Variants in ANKRD44 observed in about 807,000 individuals in gnomAD.
The protein encoded by ANKRD44 is ankyrin repeat domain 44.
A neutral mutation model predicts 116.0 loss-of-function variants in ANKRD44; 35 were observed. The observed-to-expected ratio is 0.30, with a 90% confidence interval of 0.23 to 0.40. The LOEUF is 0.40. Among genes scored for constraint, ANKRD44 ranks in the 10% least tolerant of loss-of-function variants. The probability of loss-of-function intolerance (pLI) is 1.00; values close to 1 mark genes in which losing one functional copy is unlikely to be tolerated. For synonymous variants in ANKRD44, 435 were observed against 461.8 expected (o/e 0.94, Z 0.74); for missense variants, 1,014 against 1,242.6 (o/e 0.82, Z 2.77).
intron 1 of ANKRD44, among the ~76,000 whole-genome samples, chr2:197,307,897 C>T (rs2084120899): frequency 6.6e-6 from 1 of 152,212 alleles, no homozygotes; most frequent in Admixed American, 6.5e-5. Context: ...GTGCCAGGCA[C>T]AGTGGCTCAT....
chr2:197,021,133 T>C (rs948673999), intron 17 of ANKRD44, among the ~76,000 whole-genome samples: 16 of 152,222 alleles, frequency 1.1e-4, no homozygotes, highest in African/African-American at 3.9e-4. Context: ...GAACTCATCC[T>C]TTTTTATGGC....
At chr2:197,102,797 G>T (rs2078324289) in intron 9 of ANKRD44, among the ~76,000 whole-genome samples, 1 of 152,100 alleles carries the variant, frequency 6.6e-6, no homozygotes, top group South Asian at 2.1e-4. Context: ...TTAGAAAAAT[G>T]AGCAAAAGTG....
intron 18 of ANKRD44, 108 bp downstream of exon 18, chr2:197,013,403 A>C: frequency 1.6e-6 from 2 of 1,272,674 alleles, no homozygotes; most frequent in Admixed American, 2.1e-5. Flanking sequence ...ATGTGGAAAG[A>C]AAATTGATAT....
chr2:197,157,571 A>T (rs2079851119), intron 2 of ANKRD44, among the ~76,000 whole-genome samples: 1 of 149,568 alleles, frequency 6.7e-6, no homozygotes, highest in South Asian at 2.1e-4. Context: ...CCAGCTACTC[A>T]GGAGGCTGAG....
At chr2:197,144,707 A>G (rs1438934603) in intron 3 of ANKRD44, among the ~76,000 whole-genome samples, 1 of 152,240 alleles carries the variant, frequency 6.6e-6, no homozygotes. Flanking sequence ...AGATTAAAAT[A>G]TATGCAACAG....
At chr2:197,121,635 A>G (rs1400302994) in intron 7 of ANKRD44, 91 bp from the exon 8 acceptor site, 1 of 1,079,036 alleles carries the variant, frequency 9.3e-7, no homozygotes, top group African/African-American at 1.6e-5. Flanking sequence ...GGCTAGAGAA[A>G]GGAAATAGCC....
chr2:197,251,242 C>CT (rs1379377626), intron 1 of ANKRD44, among the ~76,000 whole-genome samples: 1 of 152,122 alleles, frequency 6.6e-6, no homozygotes, highest in African/African-American at 2.4e-5. Context: ...TTCTGAGTAG[C>CT]TTAAAAACAT....
At position 197,203,622 on chromosome 2, in the gene ANKRD44, G is replaced by C. The variant is rs1290521437; in HGVS notation, c.28-16516C>G. On this transcript the variant is annotated intron_variant, in intron 1 of 27. Transcript: ENST00000282272. The surrounding 1 kb of genome is among the most constrained non-coding windows in gnomAD (Gnocchi z 4.1). ...TGCTATGTGTATATCCCAAAGAACTGAAAATAGGTGTTGAAGCAAAAACGT... is the reference window on the plus strand; with the variant it reads ...TGCTATGTGTATATCCCAAAGAACTCAAAATAGGTGTTGAAGCAAAAACGT... 2.0e-5 allele frequency among the ~76,000 whole-genome samples: 3 copies of C among 152,176 alleles called. No individual in the cohort carries two copies. The highest frequency in any genetic ancestry group is 2.1e-4 in the South Asian group (1 of 4,828).
In ANKRD44 at chr2:197,010,773, T is replaced by C. The variant is rs544738171; in HGVS notation, c.1925-1742A>G. 4.6e-5 allele frequency among the ~76,000 whole-genome samples: 7 copies of C among 152,336 alleles called. No individual in the cohort carries two copies. The South Asian group carries it at 1.5e-3, about 32-fold the overall frequency. ...AAAGTACATTGTATTTGCCACATTATGGATGTGGAGAGAGAAGGGAATAGA... is the reference window on the plus strand; with the variant it reads ...AAAGTACATTGTATTTGCCACATTACGGATGTGGAGAGAGAAGGGAATAGA... On this transcript the variant is annotated intron_variant, in intron 18 of 27. Transcript: ENST00000282272.
intron 27 of ANKRD44, chr2:196,990,126 T>C (rs557316022): frequency 1.0e-6 from 1 of 999,930 alleles, no homozygotes; most frequent in East Asian, 1.0e-4. Context: ...ATTCAAATGC[T>C]TACTATAGAG....
intron 2 of ANKRD44, among the ~76,000 whole-genome samples, chr2:197,178,002 T>A (rs1391520245): frequency 6.6e-6 from 1 of 152,232 alleles, no homozygotes; most frequent in Non-Finnish European, 1.5e-5. Flanking sequence ...GCAACAAACA[T>A]CTTTTTGTAT....
At chr2:197,183,827 CTCCA>C (rs2125589836) in intron 2 of ANKRD44, among the ~76,000 whole-genome samples, 1 of 152,292 alleles carries the variant, frequency 6.6e-6, no homozygotes, top group African/African-American at 2.4e-5. Flanking sequence ...CTCTCCCTCC[CTCCA>C]TCCCCTGCTT....
chr2:197,306,260 C>A (rs971662882), intron 1 of ANKRD44, among the ~76,000 whole-genome samples: 3 of 152,160 alleles, frequency 2.0e-5, no homozygotes, highest in African/African-American at 7.2e-5. Context: ...GTGGTCAGAG[C>A]CCCACCTGTG....
At chr2:197,221,480 G>A (rs2081585781) in intron 1 of ANKRD44, among the ~76,000 whole-genome samples, 1 of 152,086 alleles carries the variant, frequency 6.6e-6, no homozygotes, top group African/African-American at 2.4e-5. Context: ...ATCTCACTAT[G>A]TTGCTTAGGC....
At chr2:197,006,840 A>T (rs1183430057) in intron 20 of ANKRD44, among the ~76,000 whole-genome samples, 4 of 151,988 alleles carry the variant, frequency 2.6e-5, no homozygotes, top group Admixed American at 2.6e-4. Context: ...GCAAGTGGCT[A>T]ATGCCTGTAA....
At chr2:197,062,740 T>C (rs1399172270) in intron 16 of ANKRD44, among the ~76,000 whole-genome samples, 2 of 152,206 alleles carry the variant, frequency 1.3e-5, no homozygotes, top group African/African-American at 2.4e-5. Flanking sequence ...CAGTCTAAGA[T>C]TGAACTGCAA....
chr2:196,979,922 C>T (rs2075789007), intron 21 of ANKRD44, among the ~76,000 whole-genome samples: 1 of 152,084 alleles, frequency 6.6e-6, no homozygotes, highest in African/African-American at 2.4e-5. Flanking sequence ...CAACCAGCAT[C>T]TTAGCAACAC....
At chr2:197,016,412 T>C (rs986167544) in intron 17 of ANKRD44, among the ~76,000 whole-genome samples, 8 of 101,216 alleles carry the variant, frequency 7.9e-5, no homozygotes, top group African/African-American at 1.9e-4. Flanking sequence ...TGTAATTCCA[T>C]TTTTCTACAT....
At chr2:197,023,020 T>C (rs1222779203) in intron 17 of ANKRD44, among the ~76,000 whole-genome samples, 2 of 152,214 alleles carry the variant, frequency 1.3e-5, no homozygotes, top group East Asian at 3.8e-4. Context: ...CACTGCAATA[T>C]CTCCAGCTAC....
Sources: allele counts gnomAD v4.1 joint callset (sites outside exome capture counted in the v4.1 genomes callset), GRCh38; gene constraint gnomAD v4.1.1; non-coding constraint Gnocchi (gnomAD v3.1); transcripts MANE v1.5; gene names NCBI Gene and HGNC (gene_info 2026-07-23, HGNC 2026-07-21).